MGST1: variants seen among roughly 807,000 people sequenced by gnomAD.
The protein encoded by MGST1 is glutathione S-transferase 12.
Under a neutral mutation model 8.9 loss-of-function variants are expected in MGST1, and 5 were observed. That is an observed-to-expected ratio of 0.56 (90% CI 0.29 to 1.19). The LOEUF is 1.19. MGST1 is among the 50% of genes most tolerant of loss of function. MGST1 has a pLI of 0.08. For missense variants in MGST1, 182 were observed against 187.4 expected (o/e 0.97, Z 0.17); for synonymous variants, 54 against 67.8 (o/e 0.80, Z 1.00).
At chr12:16,498,114 T>C (rs1591745399) in intron 4 of MGST1, among the ~76,000 whole-genome samples, 3 of 152,300 alleles carry the variant, frequency 2.0e-5, no homozygotes, top group South Asian at 4.1e-4. Context: ...AGGATTCCAA[T>C]GTACTTTCAA....
chr12:16,499,251 T>G (rs1401398561), intron 4 of MGST1, among the ~76,000 whole-genome samples: 1 of 152,238 alleles, frequency 6.6e-6, no homozygotes, highest in African/African-American at 2.4e-5. Context: ...ATTATTCACT[T>G]CGAATAGCTA....
intron 1 of MGST1, chr12:16,402,109 G>C (rs958756013): frequency 1.3e-6 from 2 of 1,520,494 alleles, no homozygotes; most frequent in Non-Finnish European, 9.1e-7. Flanking sequence ...CATATCAGCA[G>C]TCTGATGGCA....
At chr12:16,395,372 T>C (rs2137056814) in intron 1 of MGST1, among the ~76,000 whole-genome samples, 1 of 152,282 alleles carries the variant, frequency 6.6e-6, no homozygotes, top group Non-Finnish European at 1.5e-5. Context: ...TAACCCAGCA[T>C]AGTAATGCAG....
chr12:16,480,575 A>G (rs149750746), intron 4 of MGST1, among the ~76,000 whole-genome samples: 26 of 152,366 alleles, frequency 1.7e-4, no homozygotes, highest in African/African-American at 6.3e-4. Flanking sequence ...AATAATAAAA[A>G]GGCTAACAAG....
At chr12:16,506,690 A>G (rs1178866050) in intron 4 of MGST1, among the ~76,000 whole-genome samples, 4 of 152,168 alleles carry the variant, frequency 2.6e-5, no homozygotes, top group Non-Finnish European at 5.9e-5. Context: ...GCTTTTGTGT[A>G]CCATGGCAAA....
intron 1 of MGST1, among the ~76,000 whole-genome samples, chr12:16,422,962 CCT>C (rs1940851209): frequency 6.6e-6 from 1 of 152,038 alleles, no homozygotes; most frequent in Non-Finnish European, 1.5e-5. Context: ...TCTGGAACTT[CCT>C]CTCTGTGTCA....
intron 1 of MGST1, among the ~76,000 whole-genome samples, chr12:16,429,168 TTTTC>T (rs1269494111): frequency 3.9e-5 from 6 of 152,156 alleles, no homozygotes; most frequent in Non-Finnish European, 8.8e-5. Context: ...TTCAAAAGGG[TTTTC>T]TTTGTGCCTT....
chr12:16,504,449 G>A (rs1941524265), intron 4 of MGST1, among the ~76,000 whole-genome samples: 1 of 151,966 alleles, frequency 6.6e-6, no homozygotes, highest in Admixed American at 6.6e-5. Context: ...CTTTAGGGGG[G>A]ACTTTTTTCC....
At chr12:16,549,928 A>G (rs567686546) in intron 4 of MGST1, 19 of 152,256 alleles carry the variant, frequency 1.2e-4, no homozygotes, top group African/African-American at 4.1e-4. Context: ...CAGCCTAAGA[A>G]TGATGTATTC....
chr12:16,446,596 G>A (rs142984726), intron 4 of MGST1, among the ~76,000 whole-genome samples: 1 of 151,830 alleles, frequency 6.6e-6, no homozygotes. Flanking sequence ...AACCTTACCA[G>A]TCCTGTGTTA....
chr12:16,590,500 T>G (rs10846378), downstream of MGST1, among the ~76,000 whole-genome samples: 75,222 of 151,704 alleles, frequency 0.5, 19,830 homozygotes, highest in South Asian at 0.6. Flanking sequence ...GTGAAAAAAA[T>G]ACAAGAATAT....
chr12:16,572,150 A>T (rs916557982), intron 4 of MGST1, among the ~76,000 whole-genome samples: 3 of 151,918 alleles, frequency 2.0e-5, no homozygotes, highest in Non-Finnish European at 2.9e-5. Flanking sequence ...TTAAAACTTG[A>T]TGCTTTCCAT....
intron 4 of MGST1, among the ~76,000 whole-genome samples, chr12:16,509,922 G>A (rs1351860696): frequency 1.3e-5 from 2 of 152,250 alleles, no homozygotes; most frequent in East Asian, 1.9e-4. Flanking sequence ...ATTATTATCC[G>A]CCTAGACTTC....
chr12:16,509,197 C>T (rs1449700053), intron 4 of MGST1, among the ~76,000 whole-genome samples: 2 of 151,880 alleles, frequency 1.3e-5, no homozygotes, highest in Admixed American at 6.6e-5. Context: ...TTTTTAATGC[C>T]TTAAGACAGT....
chr12:16,522,176 A>T (rs1941652607), intron 4 of MGST1, among the ~76,000 whole-genome samples: 1 of 152,132 alleles, frequency 6.6e-6, no homozygotes, highest in South Asian at 2.1e-4. Context: ...ACTCTTCATC[A>T]GCTCGGGGAT....
At chr12:16,577,399 T>C (rs571219672) in intron 4 of MGST1, among the ~76,000 whole-genome samples, 17 of 152,310 alleles carry the variant, frequency 1.1e-4, no homozygotes, top group African/African-American at 4.1e-4. Context: ...CCTAAGTAGT[T>C]GGCAGTTATT....
chr12:16,557,061 T>C (rs566631607), intron 4 of MGST1, among the ~76,000 whole-genome samples: 2 of 152,328 alleles, frequency 1.3e-5, no homozygotes, highest in South Asian at 4.1e-4. Context: ...ACAGACTTAA[T>C]TGTGAATGCA....
At chr12:16,378,196 G>T (rs1940410124), downstream of MGST1, among the ~76,000 whole-genome samples, 1 of 152,108 alleles carries the variant, frequency 6.6e-6, no homozygotes, top group South Asian at 2.1e-4. Flanking sequence ...ATTGCTTTTT[G>T]TGTTTTAGAC....
rs1023957542 is a variant in MGST1 at position 16,560,305 on chromosome 12, G to T, written n.483-29223G>T. 3 of 1,233,932 alleles carry T rather than the reference G, an allele frequency of 2.4e-6. No homozygotes were observed. Among genetic ancestry groups the T allele is most frequent in the Middle Eastern group, 2.0e-4 (1 of 4,960 alleles). 76.4% of individuals were successfully genotyped at this position (1,233,932 alleles called of 1,614,324 possible). ...ATTAAAGTTTACAGAACAGAAAAAC[G>T]CTGAGATTGATTGCTTTAAATGTAT... On this transcript the variant is annotated intron_variant and non_coding_transcript_variant, in intron 4 of 4. Transcript: ENST00000538857. The surrounding 1 kb of genome is among the most constrained non-coding windows in gnomAD (Gnocchi z 5.0).
Sources: allele counts gnomAD v4.1 joint callset (sites outside exome capture counted in the v4.1 genomes callset), GRCh38; gene constraint gnomAD v4.1.1; non-coding constraint Gnocchi (gnomAD v3.1); transcripts MANE v1.5; gene names NCBI Gene and HGNC (gene_info 2026-07-23, HGNC 2026-07-21).